The following SAMD12 variants were observed in gnomAD, a reference collection of about 807,000 sequenced individuals.
The protein encoded by SAMD12 is sterile alpha motif domain containing 12.
A neutral mutation model predicts 15.0 loss-of-function variants in SAMD12; 9 were observed. That is an observed-to-expected ratio of 0.60 (90% CI 0.36 to 1.05). SAMD12 has a LOEUF of 1.05. Ranked by LOEUF, SAMD12 falls within the 50% of genes least tolerant of loss-of-function variation. The pLI, the probability that SAMD12 is intolerant of heterozygous loss-of-function variation, is 0.01. For synonymous variants in SAMD12, 86 were observed against 90.1 expected, an observed-to-expected ratio of 0.96 and a Z score of 0.25; for missense variants, 230 against 234.2, an observed-to-expected ratio of 0.98 and a Z score of 0.12.
At chr8:118,441,670 T>G (rs1822768041) in intron 2 of SAMD12, among the ~76,000 whole-genome samples, 1 of 152,194 alleles carries the variant, frequency 6.6e-6, no homozygotes, top group African/African-American at 2.4e-5. Context: ...GTATCTGCTT[T>G]TCATTCAATG....
At chr8:118,373,513 T>G (rs905961001), downstream of SAMD12, among the ~76,000 whole-genome samples, 54 of 152,282 alleles carry the variant, frequency 3.5e-4, no homozygotes, top group African/African-American at 1.3e-3. Context: ...AAGTAGTGTT[T>G]CTAATTTTTG....
chr8:118,329,932 A>G (rs970606794), intron 4 of SAMD12, among the ~76,000 whole-genome samples: 5 of 152,140 alleles, frequency 3.3e-5, no homozygotes, highest in Non-Finnish European at 7.3e-5. Context: ...AACCTCTCCC[A>G]TATTAAGAAT....
rs549449947 is a variant in SAMD12, at chr8:118,457,382, C to G, written c.193-17421G>C. On this transcript the variant is annotated intron_variant, in intron 2 of 3. Transcript: ENST00000314727. ...AACAGCTAGGGCTATAGATTCATAC[C>G]ACAACACCCAGATTTTTTTTTTTTT... Among the ~76,000 whole-genome samples the G allele has an allele frequency of 1.3e-3, 198 of 151,790 alleles. 1 individual carries two copies. Among genetic ancestry groups the G allele is most frequent in the African/African-American group, 4.4e-3 (183 of 41,320 alleles).
At chr8:118,420,560 C>A (rs182359247) in intron 3 of SAMD12, among the ~76,000 whole-genome samples, 9 of 152,230 alleles carry the variant, frequency 5.9e-5, no homozygotes, top group Admixed American at 4.6e-4. Context: ...GAGAACTATG[C>A]CACCCCTTTA....
chr8:118,492,323 A>T (rs879001259), intron 2 of SAMD12, among the ~76,000 whole-genome samples: 1 of 152,140 alleles, frequency 6.6e-6, no homozygotes, highest in Non-Finnish European at 1.5e-5. Context: ...TTCTACTTTT[A>T]AAAAGTTGAT....
At chr8:118,487,548 T>G (rs931134343) in intron 2 of SAMD12, among the ~76,000 whole-genome samples, 2 of 152,200 alleles carry the variant, frequency 1.3e-5, no homozygotes, top group African/African-American at 4.8e-5. Flanking sequence ...TCTGGATGCC[T>G]CATGTTGCTT....
At chr8:118,300,676 G>C (rs1197282266) in intron 4 of SAMD12, among the ~76,000 whole-genome samples, 1 of 152,210 alleles carries the variant, frequency 6.6e-6, no homozygotes, top group Non-Finnish European at 1.5e-5. Flanking sequence ...TCAGCAATCA[G>C]TGTTCCAACA....
chr8:118,227,287 T>G (rs1812208584), intron 4 of SAMD12, among the ~76,000 whole-genome samples: 1 of 152,088 alleles, frequency 6.6e-6, no homozygotes. Context: ...ATATCACATC[T>G]TCTCACTTAT....
At chr8:118,179,174 G>A in the SAMD12 span, among the ~76,000 whole-genome samples, 3 of 152,142 alleles carry the variant, frequency 2.0e-5, no homozygotes, top group Non-Finnish European at 2.9e-5. Context: ...GGATGCGGTG[G>A]CTCATGTCTC....
At chr8:118,220,187 A>T (rs1034306583) in intron 4 of SAMD12, among the ~76,000 whole-genome samples, 2 of 152,218 alleles carry the variant, frequency 1.3e-5, no homozygotes, top group Admixed American at 6.5e-5. Flanking sequence ...TCGGCACACA[A>T]CAGTGTGAGT....
chr8:118,569,519 A>G (rs1826947089), intron 2 of SAMD12, among the ~76,000 whole-genome samples: 1 of 152,192 alleles, frequency 6.6e-6, no homozygotes, highest in African/African-American at 2.4e-5. Context: ...TGTGCCTCCT[A>G]AAACTGATAG....
chr8:118,344,009 C>T (rs2130561088), intron 4 of SAMD12, among the ~76,000 whole-genome samples: 1 of 152,322 alleles, frequency 6.6e-6, no homozygotes, highest in Admixed American at 6.5e-5. Flanking sequence ...ATGGTCATTA[C>T]ATGGAAATTC....
rs1825176283 is a variant in SAMD12, at chr8:118,514,510, C to A, written c.192+66205G>T. ...ACTGCCACAGGATGAGGAAGGCTAA[C>A]AAATTCTCAAAGATTATTCATTCTC... On this transcript the variant is annotated intron_variant, in intron 2 of 3. Transcript: ENST00000314727. Among the ~76,000 whole-genome samples the A allele has an allele frequency of 3.3e-5, 5 of 152,192 alleles. No individual in the cohort carries two copies. In the South Asian group the frequency reaches 8.3e-4, roughly 25 times the overall value.
chr8:118,385,937 T>A (rs915328679), intron 3 of SAMD12, among the ~76,000 whole-genome samples: 1 of 152,126 alleles, frequency 6.6e-6, no homozygotes, highest in Non-Finnish European at 1.5e-5. Flanking sequence ...CAGAAACACA[T>A]GCCAATTGAA....
chr8:118,415,812 T>A (rs929604157), intron 3 of SAMD12, among the ~76,000 whole-genome samples: 2 of 152,154 alleles, frequency 1.3e-5, no homozygotes, highest in African/African-American at 4.8e-5. Context: ...CCGGGGCACA[T>A]TCCACACGCA....
intron 1 of SAMD12, among the ~76,000 whole-genome samples, chr8:118,596,596 C>T (rs992759169): frequency 6.6e-6 from 1 of 152,226 alleles, no homozygotes; most frequent in African/African-American, 2.4e-5. Context: ...TTTGGCCTGG[C>T]AACTCAACTA....
intron 2 of SAMD12, among the ~76,000 whole-genome samples, chr8:118,463,066 A>C (rs948339195): frequency 4.5e-5 from 6 of 134,806 alleles, no homozygotes; most frequent in African/African-American, 8.5e-5. Context: ...GCGCCACTGC[A>C]CTCCAGCCTG....
intron 1 of SAMD12, among the ~76,000 whole-genome samples, chr8:118,594,769 CTT>C (rs1393554056): frequency 6.6e-6 from 1 of 151,786 alleles, no homozygotes; most frequent in Non-Finnish European, 1.5e-5. Flanking sequence ...CAGGGAGAAA[CTT>C]AGCCCATGTG....
At chr8:118,238,860 G>C (rs1483063259) in intron 4 of SAMD12, among the ~76,000 whole-genome samples, 1 of 152,136 alleles carries the variant, frequency 6.6e-6, no homozygotes, top group Non-Finnish European at 1.5e-5. Flanking sequence ...ATCACTCCAA[G>C]AGATTTGCGT....
Sources: gnomAD v4.1 joint callset for allele counts (sites outside exome capture counted in the v4.1 genomes callset) on GRCh38, gnomAD v4.1.1 for gene constraint, MANE v1.5 for transcripts, NCBI Gene and HGNC (gene_info 2026-07-23, HGNC 2026-07-21) for gene names.